KDM3A: variants seen among roughly 807,000 people sequenced by gnomAD.
KDM3A encodes lysine-specific demethylase 3A.
KDM3A carries 60 observed loss-of-function variants against 158.0 expected under a neutral mutation model. The observed-to-expected ratio is 0.38, with a 90% CI of 0.31 to 0.47. KDM3A has a LOEUF of 0.47. Among genes scored for constraint, KDM3A ranks in the 20% least tolerant of loss-of-function variants. The probability of loss-of-function intolerance (pLI) is 0.99; values close to 1 mark genes in which losing one functional copy is unlikely to be tolerated. For missense variants in KDM3A, 1,319 were observed against 1,574.3 expected, an observed-to-expected ratio of 0.84 and a Z score of 2.74; for synonymous variants, 608 against 549.3, an observed-to-expected ratio of 1.11 and a Z score of -1.49.
At position 86,480,346 on chromosome 2, in the gene KDM3A, C is replaced by A; in HGVS notation, c.2496C>A (p.Val832=). ...TGGCCGACCTAACCAGCGGGAATGT[C>A]AACAAGGAAAACAAGGGTGAGTGTT... is the stretch of plus-strand genomic sequence containing the variant. ...NWLADLTSGN[V]NKENKEKQPT... The change falls in exon 16 of 26, where the codon GTC becomes GTA. Residue 832 remains valine (V), a synonymous_variant. Coordinates refer to ENST00000312912, the MANE Select transcript of KDM3A (RefSeq NM_018433.6). The A allele has an allele frequency of 6.2e-7, 1 of 1,612,490 alleles. No individual in the cohort carries two copies. Among genetic ancestry groups the A allele is most frequent in the South Asian group, 1.1e-5 (1 of 91,026 alleles).
intron 2 of KDM3A, among the ~76,000 whole-genome samples, chr2:86,447,120 T>G (rs574398691): frequency 1.5e-4 from 23 of 152,354 alleles, no homozygotes; most frequent in African/African-American, 5.1e-4. Flanking sequence ...CTGACATATA[T>G]GGTTTTGATA....
In KDM3A at chr2:86,477,859, A is replaced by T. The variant is rs747756725; in HGVS notation, c.1940-18A>T. ...GCCCTCTCCTTCCAAAGACTAAGTG[A>T]TTTACTGATTTTTGCAGGACAGGTT... On this transcript the variant is annotated intron_variant, in intron 12 of 25. Transcript: ENST00000312912. 6.3e-7 allele frequency: 1 copy of T among 1,584,414 alleles called. No individual in the cohort carries two copies. The highest frequency in any genetic ancestry group is 1.7e-5 in the Admixed American group (1 of 57,188).
At chr2:86,459,604 TGGG>T (rs1024359130) in intron 8 of KDM3A, among the ~76,000 whole-genome samples, 9 of 152,084 alleles carry the variant, frequency 5.9e-5, no homozygotes, top group Admixed American at 5.9e-4. Flanking sequence ...GAACCTCCCT[TGGG>T]GGAAGGTGCC....
chr2:86,480,225 T>C lies in KDM3A; in HGVS notation c.2375T>C (p.Val792Ala). 1 of 1,613,638 alleles carries C rather than the reference T, an allele frequency of 6.2e-7. No individual in the cohort carries two copies. Among genetic ancestry groups the C allele is most frequent in the Non-Finnish European group, 8.5e-7 (1 of 1,180,020 alleles). ...GCAGTGCTCCAGCAGAATCCCTCAGTGTTGGAGCCAGCAGCTGTGGGTGGG... is the reference window on the plus strand; with the variant it reads ...GCAGTGCTCCAGCAGAATCCCTCAGCGTTGGAGCCAGCAGCTGTGGGTGGG... ...LGAVLQQNPS[V>A]LEPAAVGGEA... The change falls in exon 16 of 26, where the codon GTG becomes GCG. Residue 792 changes from valine (V) to alanine (A), a missense_variant. Physicochemically the swap from Val to Ala is moderately conservative, Grantham distance 64 (BLOSUM62 0). Around this residue, in one of 4 missense-constraint regions of KDM3A, gnomAD observed 368 missense variants for 415.8 expected, o/e 0.89. Coordinates refer to ENST00000312912, the MANE Select transcript of KDM3A (RefSeq NM_018433.6).
intron 14 of KDM3A, 35 bp downstream of exon 14, chr2:86,478,300 T>C (rs752052880): frequency 2.0e-6 from 3 of 1,485,496 alleles, no homozygotes; most frequent in Admixed American, 3.4e-5. Flanking sequence ...TCTTTCCCCT[T>C]GTCTTGGTTA....
chr2:86,474,758 T>C lies in KDM3A; in HGVS notation c.1725-18T>C, dbSNP rs1225426279. The C allele has an allele frequency of 2.2e-5, 31 of 1,421,840 alleles. No homozygotes were observed. The highest frequency in any genetic ancestry group is 3.0e-5 in the Non-Finnish European group (30 of 1,014,760). The allele number at this position is 1,421,840 out of a possible 1,614,324, so 88.1% of individuals were successfully genotyped here. Reference sequence around the variant, plus strand: ...GTGTGTGTGTACATTACATCTTTTTTTCCCCTGCTTCCCCTAGGTTACAAT... The same window carrying C: ...GTGTGTGTGTACATTACATCTTTTTCTCCCCTGCTTCCCCTAGGTTACAAT... On this transcript the variant is annotated intron_variant, in intron 11 of 25. Transcript: ENST00000312912.
chr2:86,478,547 A>G, intron 14 of KDM3A, 61 bp from the exon 15 acceptor site: 2 of 1,577,922 alleles, frequency 1.3e-6, no homozygotes, highest in South Asian at 2.3e-5. Flanking sequence ...CTGCTCTGTA[A>G]TGTTGAGGTT....
At chr2:86,450,043 A>T in intron 3 of KDM3A, 81 bp downstream of exon 3, 1 of 1,410,230 alleles carries the variant, frequency 7.1e-7, no homozygotes, top group Non-Finnish European at 9.5e-7. Flanking sequence ...ATGTAAATGT[A>T]ATGCCAGAAA....
intron 16 of KDM3A, among the ~76,000 whole-genome samples, chr2:86,480,995 A>C (rs1214374914): frequency 9.9e-5 from 15 of 152,226 alleles, no homozygotes. Context: ...ATTTGAGCCG[A>C]AGTAAGACAA....
Position 86,442,857 on chromosome 2 carries a change from A to G in KDM3A, c.186+624A>G, listed in dbSNP as rs1423318571. Among the ~76,000 whole-genome samples the G allele has an allele frequency of 3.9e-5, 6 of 152,084 alleles. No homozygotes were observed. The East Asian group carries it at 1.2e-3, about 29-fold the overall frequency. ...TGGAGGGATGGGGTGGAGCTGTCCCATATATGGCATATTGGAGGACTGGCT... is the reference window on the plus strand; with the variant it reads ...TGGAGGGATGGGGTGGAGCTGTCCCGTATATGGCATATTGGAGGACTGGCT... On this transcript the variant is annotated intron_variant, in intron 2 of 25. Coordinates refer to ENST00000312912, the MANE Select transcript of KDM3A (RefSeq NM_018433.6).
chr2:86,442,844 G>A (rs1470891854), intron 2 of KDM3A, among the ~76,000 whole-genome samples: 3 of 152,108 alleles, frequency 2.0e-5, no homozygotes, highest in Non-Finnish European at 4.4e-5. Flanking sequence ...GAGGGATGGG[G>A]TGGAGCTGTC....
intron 21 of KDM3A, chr2:86,487,530 C>T (rs965531848): frequency 6.6e-6 from 1 of 152,214 alleles, no homozygotes; most frequent in Non-Finnish European, 1.5e-5. Context: ...GACTTGCGGA[C>T]AGTAGAAGGG....
intron 25 of KDM3A, chr2:86,491,597 C>A (rs745326960): frequency 2.1e-4 from 79 of 375,650 alleles, no homozygotes; most frequent in Non-Finnish European, 3.6e-4. Context: ...CAGTGCTTAA[C>A]CTTCAGTGCT....
At chr2:86,446,719 A>C (rs1682971680) in intron 2 of KDM3A, among the ~76,000 whole-genome samples, 2 of 152,176 alleles carry the variant, frequency 1.3e-5, no homozygotes, top group Non-Finnish European at 2.9e-5. Context: ...CAAAAAATAA[A>C]ATAAGTGTTT....
chr2:86,475,650 T>G (rs1443122971), intron 12 of KDM3A, among the ~76,000 whole-genome samples: 1 of 152,186 alleles, frequency 6.6e-6, no homozygotes, highest in Non-Finnish European at 1.5e-5. Context: ...CCTATCCATG[T>G]CCCTCTGTGG....
At chr2:86,469,684 C>G (rs574408459) in intron 10 of KDM3A, among the ~76,000 whole-genome samples, 2 of 152,276 alleles carry the variant, frequency 1.3e-5, no homozygotes, top group South Asian at 2.1e-4. Flanking sequence ...AGAAGATGCT[C>G]TAACTCCATA....
intron 18 of KDM3A, chr2:86,483,761 A>T: frequency 2.6e-6 from 1 of 391,488 alleles, no homozygotes; most frequent in Non-Finnish European, 4.6e-6. Flanking sequence ...TTTCTCCTAG[A>T]TGCTTACCCA....
At chr2:86,472,476 GCTAGGTC>G (rs1344379200) in intron 11 of KDM3A, among the ~76,000 whole-genome samples, 1 of 152,008 alleles carries the variant, frequency 6.6e-6, no homozygotes, top group African/African-American at 2.4e-5. Context: ...AGGCTCAGCT[GCTAGGTC>G]CTATTGCCAT....
chr2:86,454,053 C>T (rs1248677600), intron 4 of KDM3A, among the ~76,000 whole-genome samples: 1 of 152,198 alleles, frequency 6.6e-6, no homozygotes, highest in East Asian at 1.9e-4. Flanking sequence ...GGAGCTGCTG[C>T]CAAGAATTGA....
Sources: gnomAD v4.1 joint callset for allele counts (sites outside exome capture counted in the v4.1 genomes callset) on GRCh38, gnomAD v4.1.1 for gene constraint, gnomAD v4.1.1 regional missense constraint, MANE v1.5 for transcripts, NCBI Gene and HGNC (gene_info 2026-07-23, HGNC 2026-07-21) for gene names.